Variants in MSR1 observed in about 807,000 individuals in gnomAD.
The protein encoded by MSR1 is macrophage scavenger receptor types I and II.
In MSR1, 53 loss-of-function variants were observed where a neutral mutation model predicts 47.2. That is an observed-to-expected ratio of 1.12 (90% CI 0.90 to 1.41). MSR1 has a LOEUF of 1.41. MSR1 is among the 40% of genes most tolerant of loss of function. The pLI, the probability that MSR1 is intolerant of heterozygous loss-of-function variation, is 0.00. For synonymous variants in MSR1, 239 were observed against 185.6 expected (o/e 1.29, Z -2.34); for missense variants, 786 against 546.9 (o/e 1.44, Z -4.36).
At chr8:16,144,232 C>CT (rs1039603032) in intron 7 of MSR1, among the ~76,000 whole-genome samples, 134 of 151,178 alleles carry the variant, frequency 8.9e-4, no homozygotes, top group African/African-American at 2.9e-3. Context: ...ATTGCTAGAT[C>CT]TTTTTTTTTG....
At chr8:16,179,101 T>C (rs1282269877) in intron 1 of MSR1, among the ~76,000 whole-genome samples, 1 of 152,214 alleles carries the variant, frequency 6.6e-6, no homozygotes, top group African/African-American at 2.4e-5. Context: ...GTGTGTTTTT[T>C]GAGTGTGGAA....
chr8:16,160,954 A>G (rs1801142849), intron 5 of MSR1, among the ~76,000 whole-genome samples: 1 of 151,854 alleles, frequency 6.6e-6, no homozygotes, highest in African/African-American at 2.4e-5. Context: ...GGATTTAAGC[A>G]AGAGAGAGAA....
At chr8:16,181,858 A>G (rs1199106225) in intron 1 of MSR1, among the ~76,000 whole-genome samples, 1 of 152,178 alleles carries the variant, frequency 6.6e-6, no homozygotes, top group Non-Finnish European at 1.5e-5. Flanking sequence ...ACTATGTACT[A>G]ATGCTTTTTA....
intron 1 of MSR1, chr8:16,186,223 T>A: frequency 1.3e-6 from 2 of 1,534,590 alleles, no homozygotes; most frequent in Non-Finnish European, 1.7e-6. Flanking sequence ...GGGAGTTTTA[T>A]TTATTTCTGG....
At chr8:16,112,601 A>G (rs1446962563) in intron 9 of MSR1, among the ~76,000 whole-genome samples, 6 of 152,148 alleles carry the variant, frequency 3.9e-5, no homozygotes, top group Non-Finnish European at 8.8e-5. Context: ...AAGTTAATGC[A>G]GATAGTATAA....
intron 4 of MSR1, among the ~76,000 whole-genome samples, chr8:16,164,973 G>T (rs1023872026): frequency 6.6e-6 from 1 of 151,902 alleles, no homozygotes; most frequent in Middle Eastern, 3.2e-3. Flanking sequence ...AAATACTTTA[G>T]AGACTGATAT....
intron 2 of MSR1, among the ~76,000 whole-genome samples, chr8:16,175,566 A>G (rs1310556545): frequency 1.3e-5 from 2 of 152,196 alleles, no homozygotes; most frequent in Non-Finnish European, 2.9e-5. Flanking sequence ...TGCTTGTTTG[A>G]TCTTTTGGAA....
At chr8:16,130,839 CCA>C (rs1406001154) in intron 8 of MSR1, among the ~76,000 whole-genome samples, 1 of 151,920 alleles carries the variant, frequency 6.6e-6, no homozygotes, top group Admixed American at 6.6e-5. Flanking sequence ...GCATGGTATT[CCA>C]CGGTGTATAT....
At chr8:16,112,991 C>T (rs530775934) in intron 9 of MSR1, among the ~76,000 whole-genome samples, 7 of 147,490 alleles carry the variant, frequency 4.7e-5, no homozygotes, top group African/African-American at 1.8e-4. Context: ...CCCTCTATCG[C>T]CCAGGCTGGA....
intron 8 of MSR1, among the ~76,000 whole-genome samples, chr8:16,123,692 AC>A (rs1410405306): frequency 6.6e-6 from 1 of 152,074 alleles, no homozygotes; most frequent in African/African-American, 2.4e-5. Context: ...ATGTGCCTAA[AC>A]GATTTCGTGT....
At chr8:16,150,208 G>T in intron 7 of MSR1, 23 bp downstream of exon 7, 2 of 1,232,540 alleles carry the variant, frequency 1.6e-6, no homozygotes, top group South Asian at 1.7e-5. Flanking sequence ...ATTCTATAAA[G>T]AAAATACACA....
intron 6 of MSR1, among the ~76,000 whole-genome samples, chr8:16,153,343 A>T (rs1800912563): frequency 1.3e-5 from 2 of 152,188 alleles, no homozygotes; most frequent in East Asian, 3.9e-4. Flanking sequence ...ATTCATTAGG[A>T]AAGATGCCTG....
Position 16,164,229 on chromosome 8 carries a change from C to G in MSR1, c.653G>C (p.Arg218Pro). 6.2e-7 allele frequency: 1 copy of G among 1,611,874 alleles called. No homozygotes were observed. The highest frequency in any genetic ancestry group is 1.1e-5 in the South Asian group (1 of 91,034). ...AATTTCTGCTGATACATTGTAAACA[C>G]GCTCCTCTAATTTACTGATTTCCTG... ...QQEEISKLEE[R>P]VYNVSAEIMA... is the part of the protein sequence containing the mutation. The change falls in exon 5 of 10, where the codon CGT (arginine) becomes CCT (proline). Residue 218 changes from arginine to proline, a missense_variant. Transcript: ENST00000262101.
intron 5 of MSR1, among the ~76,000 whole-genome samples, chr8:16,156,705 ATTT>A (rs146919303): frequency 1.2e-4 from 18 of 150,038 alleles, no homozygotes; most frequent in African/African-American, 4.4e-4. Flanking sequence ...GTGTACGTGT[ATTT>A]TTTTTTTCCA....
chr8:16,140,329 C>T lies in MSR1; in HGVS notation c.1033+3229G>A, dbSNP rs866183893. ...CCCTTGACTCAGTCTTTACTTTGAT[C>T]AAAAATGCTTTGGAAAGAGACCAGT... On this transcript the variant is annotated intron_variant, in intron 8 of 9. Coordinates refer to ENST00000262101, the MANE Select transcript of MSR1 (RefSeq NM_138715.3). 3 of 984,026 alleles carry T rather than the reference C, an allele frequency of 3.0e-6. No individual in the cohort carries two copies. In the African/African-American group the frequency reaches 5.3e-5, roughly 17 times the overall value. The allele number at this position is 984,026 out of a possible 1,614,324, so 61.0% of individuals were successfully genotyped here.
intron 9 of MSR1, among the ~76,000 whole-genome samples, chr8:16,118,082 A>G (rs1871575): frequency 0.017 from 2,624 of 152,196 alleles, 82 homozygotes; most frequent in African/African-American, 0.059. Context: ...ATAAGCATCA[A>G]AATAATTCAT....
chr8:16,128,605 A>G (rs1266584895), intron 8 of MSR1, among the ~76,000 whole-genome samples: 2 of 152,192 alleles, frequency 1.3e-5, no homozygotes, highest in Admixed American at 1.3e-4. Context: ...CAGCCCAAGC[A>G]GACTAATACG....
At chr8:16,164,337 T>C in intron 4 of MSR1, 86 bp from the exon 5 acceptor site, 1 of 1,165,202 alleles carries the variant, frequency 8.6e-7, no homozygotes, top group Non-Finnish European at 1.3e-6. Context: ...GGAGTTCAGG[T>C]TTTTAAAAAC....
intron 3 of MSR1, among the ~76,000 whole-genome samples, chr8:16,171,124 T>C (rs1801472916): frequency 6.7e-6 from 1 of 150,048 alleles, no homozygotes; most frequent in Admixed American, 6.7e-5. Flanking sequence ...CTCGGGAGGC[T>C]GAGGCAGGAG....
Sources: allele counts gnomAD v4.1 joint callset (sites outside exome capture counted in the v4.1 genomes callset), GRCh38; gene constraint gnomAD v4.1.1; transcripts MANE v1.5; gene names NCBI Gene and HGNC (gene_info 2026-07-23, HGNC 2026-07-21).